The following EYS variants were observed in gnomAD, a reference collection of about 807,000 sequenced individuals.
EYS encodes protein eyes shut homolog.
In EYS, 250 loss-of-function variants were observed where a neutral mutation model predicts 282.1. The ratio of observed to expected loss-of-function variants is 0.89; its 90% CI spans 0.80 to 0.98. The LOEUF (loss-of-function observed/expected upper bound fraction) is 0.98. Ranked by LOEUF, EYS falls within the 50% of genes least tolerant of loss-of-function variation. The pLI is 0.00. For synonymous variants in EYS, 1,355 were observed against 1,282.9 expected (o/e 1.06, Z -1.20); for missense variants, 4,016 against 3,709.0 (o/e 1.08, Z -2.15).
In EYS at chr6:64,307,002, C is replaced by T; in HGVS notation, c.6159G>A (p.Lys2053=). The part of the protein sequence containing the change: ...INNWRSFIPS[K]AVKNYHINNC... ...TGTTAATGTGATAGTTTTTCACTGC[C>T]TTGGATGGAATGAAAGATCTCCAGT... Residue 2053 remains lysine (K), a synonymous_variant, in exon 30 of 43, where the codon AAG becomes AAA. Coordinates refer to ENST00000503581, the MANE Select transcript of EYS (RefSeq NM_001142800.2). 2 of 1,540,418 alleles carry T rather than the reference C, an allele frequency of 1.3e-6. No homozygotes were observed. Among genetic ancestry groups the T allele is most frequent in the African/African-American group, 2.7e-5 (2 of 72,808 alleles).
intron 37 of EYS, among the ~76,000 whole-genome samples, chr6:63,805,771 A>G (rs2149678640): frequency 6.6e-6 from 1 of 152,240 alleles, no homozygotes; most frequent in Non-Finnish European, 1.5e-5. Flanking sequence ...TGATGGTTTT[A>G]TAAGGAGAAA....
At chr6:63,851,093 G>A (rs1772237386) in intron 36 of EYS, among the ~76,000 whole-genome samples, 1 of 152,216 alleles carries the variant, frequency 6.6e-6, no homozygotes, top group African/African-American at 2.4e-5. Context: ...ATTACATAAT[G>A]TAAGGGGATT....
At position 63,773,468 on chromosome 6, in the gene EYS, G is replaced by A. The variant is rs897254609; in HGVS notation, c.7898+4538C>T. Among the ~76,000 whole-genome samples, 6 of 152,160 alleles carry A rather than the reference G, an allele frequency of 3.9e-5. No individual in the cohort carries two copies. In the East Asian group the frequency reaches 9.6e-4, roughly 24 times the overall value. ...AAGGAGAGGCGGTTTCTTGGAAGGC[G>A]GGATAGAGTAGTACAATTAATTTGA... is the stretch of plus-strand genomic sequence containing the variant. On this transcript the variant is annotated intron_variant, in intron 40 of 42. Coordinates refer to ENST00000503581, the MANE Select transcript of EYS (RefSeq NM_001142800.2).
chr6:63,918,626 G>A (rs147205599), intron 35 of EYS, among the ~76,000 whole-genome samples: 97 of 152,314 alleles, frequency 6.4e-4, no homozygotes, highest in Middle Eastern at 3.4e-3. Flanking sequence ...ATGACACAGA[G>A]CCAAATCTTC....
chr6:64,831,264 G>GA (rs1322905007), intron 19 of EYS, among the ~76,000 whole-genome samples: 1 of 151,904 alleles, frequency 6.6e-6, no homozygotes, highest in African/African-American at 2.4e-5. Context: ...AAAAAATGTT[G>GA]AAAGTGTATG....
At chr6:64,547,681 G>A (rs754102336) in intron 26 of EYS, among the ~76,000 whole-genome samples, 6 of 152,212 alleles carry the variant, frequency 3.9e-5, no homozygotes, top group Non-Finnish European at 7.3e-5. Context: ...TCCCATACTG[G>A]GGCTGCAGGT....
chr6:65,520,546 G>C (rs1221824311), intron 2 of EYS, among the ~76,000 whole-genome samples: 1 of 151,882 alleles, frequency 6.6e-6, no homozygotes, highest in Non-Finnish European at 1.5e-5. Flanking sequence ...CACAATATGT[G>C]TTATTGCAGA....
At chr6:63,915,879 G>A (rs1764410835) in intron 35 of EYS, among the ~76,000 whole-genome samples, 1 of 152,172 alleles carries the variant, frequency 6.6e-6, no homozygotes, top group Non-Finnish European at 1.5e-5. Context: ...ATGTGAAGTT[G>A]CTTCTTATGA....
At chr6:64,295,145 C>A (rs987682462) in intron 30 of EYS, among the ~76,000 whole-genome samples, 1 of 150,848 alleles carries the variant, frequency 6.6e-6, no homozygotes, top group African/African-American at 2.4e-5. Context: ...GAGGCCGAAG[C>A]GGGGGGATCA....
intron 35 of EYS, among the ~76,000 whole-genome samples, chr6:63,947,561 T>C (rs1196805773): frequency 1.3e-5 from 2 of 152,156 alleles, no homozygotes; most frequent in South Asian, 2.1e-4. Flanking sequence ...TTTACATATA[T>C]AATTGGTTTG....
chr6:63,965,747 T>C (rs988285567), intron 35 of EYS, among the ~76,000 whole-genome samples: 7 of 152,182 alleles, frequency 4.6e-5, no homozygotes, highest in Admixed American at 6.6e-5. Flanking sequence ...CTTTTGGACC[T>C]TCCTTGGTAT....
chr6:63,924,555 C>T (rs1764662567), intron 35 of EYS, among the ~76,000 whole-genome samples: 1 of 152,182 alleles, frequency 6.6e-6, no homozygotes. Context: ...GAGGCTGCAA[C>T]TGATATTGAG....
rs1345322767 is a variant in EYS, at chr6:65,291,093, T to G, written c.2023+4770A>C. 2.0e-5 allele frequency among the ~76,000 whole-genome samples: 3 copies of G among 151,494 alleles called. No individual in the cohort carries two copies. In the East Asian group the frequency reaches 5.8e-4, roughly 29 times the overall value. On this transcript the variant is annotated intron_variant, in intron 12 of 42. Coordinates refer to ENST00000503581, the MANE Select transcript of EYS (RefSeq NM_001142800.2). ...CAGATGTAATTCTCTCTAGAAATAA[T>G]AAGAAAAGTTGTATCTTTAAATTAT...
At chr6:64,876,301 A>C (rs977679828) in intron 19 of EYS, among the ~76,000 whole-genome samples, 3 of 152,092 alleles carry the variant, frequency 2.0e-5, no homozygotes, top group Admixed American at 6.6e-5. Context: ...TTTATTTCTT[A>C]TTGGTTACTA....
Position 64,077,583 on chromosome 6 carries a change from C to T in EYS, c.6571+4273G>A, listed in dbSNP as rs76118122. ...AGTAATATAAAGATTGCTTCTGAAT[C>T]CTCTCCTCCCACTGGAGTTGCTCAT... On this transcript the variant is annotated intron_variant, in intron 32 of 42. Transcript: ENST00000503581. Among the ~76,000 whole-genome samples, 943 of 152,080 alleles carry T rather than the reference C, an allele frequency of 6.2e-3. 3 individuals are homozygous for T. Among genetic ancestry groups the T allele is most frequent in the Middle Eastern group, 0.024 (7 of 294 alleles).
At chr6:65,539,087 C>T (rs1282474004) in intron 2 of EYS, among the ~76,000 whole-genome samples, 4 of 152,136 alleles carry the variant, frequency 2.6e-5, no homozygotes, top group African/African-American at 9.7e-5. Context: ...TTTTATTGCA[C>T]TGCAAAATAT....
At chr6:65,693,444 C>G (rs1252540655) in intron 1 of EYS, among the ~76,000 whole-genome samples, 1 of 127,278 alleles carries the variant, frequency 7.9e-6, no homozygotes, top group Non-Finnish European at 1.6e-5. Context: ...GCCATAGTTA[C>G]AACAAAACTG....
At chr6:64,211,070 T>C (rs1765751680) in intron 31 of EYS, among the ~76,000 whole-genome samples, 1 of 152,132 alleles carries the variant, frequency 6.6e-6, no homozygotes, top group Non-Finnish European at 1.5e-5. Context: ...GGACTTGGAT[T>C]TGAACTGAGT....
At chr6:64,414,168 A>G (rs1773992850) in intron 28 of EYS, among the ~76,000 whole-genome samples, 1 of 152,170 alleles carries the variant, frequency 6.6e-6, no homozygotes, top group Non-Finnish European at 1.5e-5. Flanking sequence ...GGAGACTAAA[A>G]ATAGAGAAGA....
Sources: allele counts gnomAD v4.1 joint callset (sites outside exome capture counted in the v4.1 genomes callset), GRCh38; gene constraint gnomAD v4.1.1; transcripts MANE v1.5; gene names NCBI Gene and HGNC (gene_info 2026-07-23, HGNC 2026-07-21).